The following NAA15 variants were observed in gnomAD, a reference collection of about 807,000 sequenced individuals.
NAA15 encodes the protein N-terminal acetyltransferase.
NAA15 carries 34 observed loss-of-function variants against 114.0 expected under a neutral mutation model. The observed-to-expected ratio is 0.30, with a 90% CI of 0.23 to 0.40. The LOEUF (loss-of-function observed/expected upper bound fraction) is 0.40. NAA15 is among the 10% of genes least tolerant of loss of function. The probability of loss-of-function intolerance (pLI) is 1.00; values close to 1 mark genes in which losing one functional copy is unlikely to be tolerated. For missense variants in NAA15, 658 were observed against 1,004.5 expected (o/e 0.66, Z 4.66); for synonymous variants, 340 against 338.0 (o/e 1.01, Z -0.06).
rs201903969 is a variant in NAA15 at position 139,325,111 on chromosome 4, GGGC to G, written c.55-9060_55-9058del. On this transcript the variant is annotated intron_variant, in intron 1 of 19. Coordinates refer to ENST00000296543, the MANE Select transcript of NAA15 (RefSeq NM_057175.5). ...GTAATGTAAACATATCTCATTCAAG[GGGC>G]GGGGGGTTTAGTTTTTAATTTTCCT... is the stretch of plus-strand genomic sequence containing the variant. 9.2e-3 allele frequency among the ~76,000 whole-genome samples: 1,289 copies of G among 139,622 alleles called. 20 individuals are homozygous for G. The highest frequency in any genetic ancestry group is 0.034 in the African/African-American group (1,234 of 36,358). The allele number at this position is 139,622 out of a possible 152,430, so 91.6% of individuals were successfully genotyped here.
chr4:139,370,785 A>T lies in NAA15; in HGVS notation c.1947+381A>T, dbSNP rs73854525. 3.9e-3 allele frequency among the ~76,000 whole-genome samples: 593 copies of T among 152,352 alleles called. 4 individuals are homozygous for T. The highest frequency in any genetic ancestry group is 0.013 in the African/African-American group (548 of 41,584). ...GAAAATCCTTATTTAGGACTGGAGA[A>T]AATACATATGTAAAGCATCTAATGT... On this transcript the variant is annotated intron_variant, in intron 15 of 19. Coordinates refer to ENST00000296543, the MANE Select transcript of NAA15 (RefSeq NM_057175.5).
Position 139,301,822 on chromosome 4 carries a change from G to C in NAA15, c.45G>C (p.Lys15Asn). Residue 15 changes from lysine to asparagine, a missense_variant, in exon 1 of 20, where the codon AAG becomes AAC. Coordinates refer to ENST00000296543, the MANE Select transcript of NAA15 (RefSeq NM_057175.5). ...CGCCCAAGGAGAATGCGCTCTTCAAGCGGATCTTGGTAAGTGTGAGGCTCC... is the reference window on the plus strand; with the variant it reads ...CGCCCAAGGAGAATGCGCTCTTCAACCGGATCTTGGTAAGTGTGAGGCTCC... The part of the protein sequence containing the change: ...SLPPKENALF[K>N]RILRCYEHKQ... 4 of 1,594,014 alleles carry C rather than the reference G, an allele frequency of 2.5e-6. No individual in the cohort carries two copies. Among genetic ancestry groups the C allele is most frequent in the Non-Finnish European group, 3.4e-6 (4 of 1,170,102 alleles).
intron 19 of NAA15, among the ~76,000 whole-genome samples, chr4:139,387,371 C>T (rs1407802641): frequency 1.3e-5 from 2 of 152,202 alleles, no homozygotes; most frequent in East Asian, 3.8e-4. Context: ...GTTTGAGACA[C>T]TCTTTTCTGC....
At chr4:139,362,062 C>T (rs1748148935) in intron 14 of NAA15, 125 bp downstream of exon 14, 2 of 521,470 alleles carry the variant, frequency 3.8e-6, no homozygotes, top group Non-Finnish European at 6.3e-6. Flanking sequence ...ATACAAGGTT[C>T]TCTAAACAAC....
At chr4:139,305,598 C>T (rs904847887) in intron 1 of NAA15, among the ~76,000 whole-genome samples, 4 of 149,886 alleles carry the variant, frequency 2.7e-5, no homozygotes, top group African/African-American at 9.9e-5. Context: ...AGGGCAATGG[C>T]ATGATCTCGG....
chr4:139,335,251 T>G (rs10013089), intron 2 of NAA15, among the ~76,000 whole-genome samples: 1 of 152,062 alleles, frequency 6.6e-6, no homozygotes, highest in African/African-American at 2.4e-5. Flanking sequence ...CCAGCTGAGC[T>G]TTATGTTGTT....
At chr4:139,360,670 C>T (rs748061947) in intron 13 of NAA15, 42 bp downstream of exon 13, 15 of 1,518,240 alleles carry the variant, frequency 9.9e-6, no homozygotes, top group East Asian at 9.7e-5. Context: ...TTTATTCTGT[C>T]GATGGTTTTG....
chr4:139,351,437 G>A (rs776335714), intron 8 of NAA15, 68 bp from the exon 9 acceptor site: 12 of 1,132,504 alleles, frequency 1.1e-5, no homozygotes, highest in Non-Finnish European at 1.5e-5. Context: ...GTAAATGTAA[G>A]TAAATACTTT....
At chr4:139,374,606 T>C (rs559399044) in intron 15 of NAA15, among the ~76,000 whole-genome samples, 2 of 152,348 alleles carry the variant, frequency 1.3e-5, no homozygotes, top group East Asian at 1.9e-4. Context: ...GACTTTTTTT[T>C]CCTGAAATAC....
chr4:139,375,457 TC>T (rs1320864115), intron 15 of NAA15, among the ~76,000 whole-genome samples: 1,594 of 152,200 alleles, frequency 0.01, 14 homozygotes, highest in Non-Finnish European at 0.017. Context: ...TCTTTTCTTT[TC>T]TTTTCTTTTC....
At chr4:139,381,133 T>A (rs1327128422) in intron 17 of NAA15, among the ~76,000 whole-genome samples, 1 of 152,158 alleles carries the variant, frequency 6.6e-6, no homozygotes, top group Non-Finnish European at 1.5e-5. Context: ...CTAGAATATG[T>A]TGTTATACTA....
chr4:139,335,228 T>C (rs986258523), intron 2 of NAA15, among the ~76,000 whole-genome samples: 26 of 152,208 alleles, frequency 1.7e-4, no homozygotes, highest in African/African-American at 6.3e-4. Context: ...ATATTAAAAA[T>C]TATTTTTGCT....
In NAA15 at chr4:139,344,192, C is replaced by G; in HGVS notation, c.544C>G (p.Pro182Ala). 6.2e-7 allele frequency: 1 copy of G among 1,607,680 alleles called. No individual in the cohort carries two copies. Among genetic ancestry groups the G allele is most frequent in the African/African-American group, 1.3e-5 (1 of 74,798 alleles). The change falls in exon 6 of 20, where the codon CCT (proline) becomes GCT (alanine). Residue 182 changes from proline (P) to alanine (A), a missense_variant. By Grantham distance (27) the Pro-to-Ala change is conservative. Transcript: ENST00000296543. ...TCCTTATATCCATATACAGACATCC[C>G]CTGACAAGGTGGATTATGAATATAG... ...EEFRKTQQTS[P>A]DKVDYEYSEL... is the part of the protein sequence containing the mutation.
chr4:139,329,824 G>C (rs890099064), intron 1 of NAA15, among the ~76,000 whole-genome samples: 1 of 152,156 alleles, frequency 6.6e-6, no homozygotes, highest in Non-Finnish European at 1.5e-5. Context: ...ATCTCTTGCA[G>C]AGTGCCTCAG....
rs1282436000 is a variant in NAA15, at chr4:139,388,883, T to C, written c.*799T>C. On this transcript the variant is annotated 3_prime_UTR_variant, in exon 20 of 20. Transcript: ENST00000296543. Reference sequence around the variant, plus strand: ...TGCAAGAACCAAATGCACTGTGATGTGGCACCAACTAATTAGCAAGCATGA... The same window carrying C: ...TGCAAGAACCAAATGCACTGTGATGCGGCACCAACTAATTAGCAAGCATGA... 2 of 152,620 alleles carry C rather than the reference T, an allele frequency of 1.3e-5. No individual in the cohort carries two copies. Among genetic ancestry groups the C allele is most frequent in the East Asian group, 3.9e-4 (2 of 5,194 alleles). The allele number at this position is 152,620 out of a possible 1,614,324, so 9.5% of individuals were successfully genotyped here. A position where few individuals can be genotyped will look rare whatever the true frequency, so the allele number is the denominator to read the frequency against.
intron 13 of NAA15, among the ~76,000 whole-genome samples, chr4:139,361,293 A>G (rs1748124601): frequency 1.3e-5 from 2 of 152,122 alleles, no homozygotes; most frequent in South Asian, 4.1e-4. Flanking sequence ...ATTGCATAGG[A>G]TTCAGATTTG....
intron 10 of NAA15, chr4:139,356,680 A>G (rs766425844): frequency 6.6e-6 from 1 of 152,148 alleles, no homozygotes; most frequent in Non-Finnish European, 1.5e-5. Context: ...GAAAGCACGT[A>G]TCAGTTCTCA....
intron 6 of NAA15, among the ~76,000 whole-genome samples, chr4:139,345,180 G>A (rs1324342859): frequency 4.6e-5 from 7 of 152,174 alleles, no homozygotes; most frequent in Non-Finnish European, 2.9e-5. Flanking sequence ...AACTTTTGTC[G>A]GAGGATAATG....
At position 139,340,977 on chromosome 4, in the gene NAA15, A is replaced by C; in HGVS notation, c.310A>C (p.Arg104=). 1.9e-6 allele frequency: 3 copies of C among 1,609,714 alleles called. No individual in the cohort carries two copies. The highest frequency in any genetic ancestry group is 2.5e-6 in the Non-Finnish European group (3 of 1,178,214). The change falls in exon 4 of 20, where the codon AGA becomes CGA. Residue 104 remains arginine, a synonymous_variant. Transcript: ENST00000296543. ...KKYDEAIKCY[R]NALKWDKDNL... ...GTATGATGAAGCCATTAAGTGTTAC[A>C]GAAATGCACTAAAATGGGATAAAGA...
Sources: allele counts gnomAD v4.1 joint callset (sites outside exome capture counted in the v4.1 genomes callset), GRCh38; gene constraint gnomAD v4.1.1; transcripts MANE v1.5; gene names NCBI Gene and HGNC (gene_info 2026-07-23, HGNC 2026-07-21).